STARD3: variants seen among roughly 807,000 people sequenced by gnomAD.
STARD3 encodes the protein StAR related lipid transfer domain containing 3.
In STARD3, 39 loss-of-function variants were observed where a neutral mutation model predicts 62.0. The observed-to-expected ratio is 0.63, with a 90% CI of 0.49 to 0.82. The LOEUF (loss-of-function observed/expected upper bound fraction) is 0.82. STARD3 is among the 40% of genes least tolerant of loss of function. STARD3 has a pLI of 0.00. For synonymous variants in STARD3, 229 were observed against 242.4 expected, an observed-to-expected ratio of 0.94 and a Z score of 0.51; for missense variants, 543 against 584.5, an observed-to-expected ratio of 0.93 and a Z score of 0.73.
In STARD3 at chr17:39,659,549, ATAATG is replaced by A. The variant is rs1555605788; in HGVS notation, c.795_795+4del. 1.2e-6 allele frequency: 2 copies of A among 1,613,930 alleles called. No individual in the cohort carries two copies. Among genetic ancestry groups the A allele is most frequent in the Non-Finnish European group, 8.5e-7 (1 of 1,179,956 alleles). On this transcript the variant is annotated splice_donor_variant and coding_sequence_variant, in exon 9 of 15. Coordinates refer to ENST00000336308, the MANE Select transcript of STARD3 (RefSeq NM_006804.4). LOFTEE classifies it high-confidence loss of function. ...GAAGAGAACTGGAAGTTTGAGAAGAATAATGTAAGAAGCCCTCTCCCACCTGACCT... is the reference window on the plus strand; with the variant it reads ...GAAGAGAACTGGAAGTTTGAGAAGAATAAGAAGCCCTCTCCCACCTGACCT...
At chr17:39,661,944 C>G (rs1164542241) in intron 13 of STARD3, among the ~76,000 whole-genome samples, 1 of 152,174 alleles carries the variant, frequency 6.6e-6, no homozygotes, top group African/African-American at 2.4e-5. Flanking sequence ...CAGGGCTGAC[C>G]TAGAATCTCT....
Position 39,662,299 on chromosome 17 carries a change from C to T in STARD3, c.1188C>T (p.Asn396=), listed in dbSNP as rs746599624. The change falls in exon 14 of 15, where the codon AAC becomes AAT. Residue 396 remains asparagine (N), a synonymous_variant. Coordinates refer to ENST00000336308, the MANE Select transcript of STARD3 (RefSeq NM_006804.4). ...GGFIVLKSAS[N]PRVCTFVWIL... ...TCATCGTGCTCAAGTCGGCCAGTAACCCCCGTGTTTGCACCTTTGTCTGGA... is the reference window on the plus strand; with the variant it reads ...TCATCGTGCTCAAGTCGGCCAGTAATCCCCGTGTTTGCACCTTTGTCTGGA... The T allele has an allele frequency of 1.9e-6, 3 of 1,613,908 alleles. No individual in the cohort carries two copies. Among genetic ancestry groups the T allele is most frequent in the East Asian group, 4.5e-5 (2 of 44,892 alleles).
At chr17:39,638,760 G>A (rs2056958074) in intron 1 of STARD3, among the ~76,000 whole-genome samples, 1 of 152,220 alleles carries the variant, frequency 6.6e-6, no homozygotes, top group Admixed American at 6.5e-5. Flanking sequence ...AGGTAGGAAT[G>A]TCTCTACTTC....
rs2057231572 is a variant in STARD3, at chr17:39,663,998, TC to T, written c.*1093del. Among the ~76,000 whole-genome samples, 1 of 152,082 alleles carries T rather than the reference TC, an allele frequency of 6.6e-6. No homozygotes were observed. Among genetic ancestry groups the T allele is most frequent in the African/African-American group, 2.4e-5 (1 of 41,396 alleles). ...GGCCACTGCCTGCCTTCCTCCTCCC[TC>T]CCGGCTGGCCTGCCCCCTTGCCTGC... On this transcript the variant is annotated 3_prime_UTR_variant, in exon 15 of 15. Transcript: ENST00000336308.
chr17:39,653,515 G>A lies in STARD3; in HGVS notation c.-17G>A. 1 of 1,600,400 alleles carries A rather than the reference G, an allele frequency of 6.2e-7. No homozygotes were observed. ...TGAGGCCGCGCCCTCCCCGCCCTGAGGTGGGGGCCCACCAGGATGAGCAAG... is the reference window on the plus strand; with the variant it reads ...TGAGGCCGCGCCCTCCCCGCCCTGAAGTGGGGGCCCACCAGGATGAGCAAG... On this transcript the variant is annotated 5_prime_UTR_variant, in exon 2 of 15. Coordinates refer to ENST00000336308, the MANE Select transcript of STARD3 (RefSeq NM_006804.4).
At chr17:39,651,195 G>C (rs1246687160) in intron 1 of STARD3, among the ~76,000 whole-genome samples, 2 of 152,200 alleles carry the variant, frequency 1.3e-5, no homozygotes, top group Non-Finnish European at 2.9e-5. Context: ...CCTGCCCTCC[G>C]ACTCTGCTGC....
chr17:39,656,870 C>T (rs2057135131), intron 2 of STARD3, 138 bp from the exon 3 acceptor site: 1 of 750,566 alleles, frequency 1.3e-6, no homozygotes, highest in Admixed American at 2.4e-5. Flanking sequence ...CTTCCAGGGC[C>T]CCCTGGGTGG....
In STARD3 at chr17:39,660,572, C is replaced by G; in HGVS notation, c.954+46C>G. 1 of 1,595,644 alleles carries G rather than the reference C, an allele frequency of 6.3e-7. No individual in the cohort carries two copies. Among genetic ancestry groups the G allele is most frequent in the Non-Finnish European group, 8.6e-7 (1 of 1,164,170 alleles). Reference sequence around the variant, plus strand: ...TCTTAAGGCACAGATGGGGGCACAGCCACGCCTCAGTGGGATCACTGAAGC... The same window carrying G: ...TCTTAAGGCACAGATGGGGGCACAGGCACGCCTCAGTGGGATCACTGAAGC... On this transcript the variant is annotated intron_variant, in intron 11 of 14. Coordinates refer to ENST00000336308, the MANE Select transcript of STARD3 (RefSeq NM_006804.4). This position sits in a 1 kb window ranked among gnomAD's most constrained non-coding sequence, Gnocchi z 4.8.
At position 39,659,261 on chromosome 17, in the gene STARD3, C is replaced by T. The variant is rs138947518; in HGVS notation, c.702+155C>T. 1.4e-3 allele frequency among the ~76,000 whole-genome samples: 220 copies of T among 152,332 alleles called. 1 individual carries two copies. Among genetic ancestry groups the T allele is most frequent in the African/African-American group, 5.0e-3 (207 of 41,572 alleles). On this transcript the variant is annotated intron_variant, in intron 8 of 14. Coordinates refer to ENST00000336308, the MANE Select transcript of STARD3 (RefSeq NM_006804.4). The stretch of plus-strand genomic sequence containing the variant: ...GTCTCCCCCACCACCAGTCCGGCCC[C>T]CCTGGTCTGCCTCATGCCTGGGCAC...
intron 1 of STARD3, among the ~76,000 whole-genome samples, chr17:39,640,329 G>A (rs960280695): frequency 5.3e-5 from 8 of 152,218 alleles, no homozygotes; most frequent in Non-Finnish European, 1.0e-4. Context: ...CCTGACTCCA[G>A]GTCTGCATGT....
chr17:39,659,461 G>T lies in STARD3; in HGVS notation c.703G>T (p.Glu235Ter), dbSNP rs2057170459. The stretch of plus-strand genomic sequence containing the variant: ...CTCCCTGCCTCCTGCTTCCGTCCAG[G>T]AGCGGGAGTACATCCGCCAGGGGAA... ...VAGKKSFSAQ[E>*]REYIRQGKEA... Residue 235 changes from glutamate to a stop codon, truncating the protein, a stop_gained and splice_region_variant, in exon 9 of 15, where the codon GAG becomes TAG. Transcript: ENST00000336308. LOFTEE classifies it high-confidence loss of function. The T allele has an allele frequency of 6.2e-7, 1 of 1,613,912 alleles. No individual in the cohort carries two copies. Among genetic ancestry groups the T allele is most frequent in the South Asian group, 1.1e-5 (1 of 91,082 alleles).
chr17:39,656,414 CAG>C (rs1804079588), intron 2 of STARD3, among the ~76,000 whole-genome samples: 1 of 152,254 alleles, frequency 6.6e-6, no homozygotes, highest in South Asian at 2.1e-4. Flanking sequence ...GCCAAGGCCT[CAG>C]GGGTCCTGGT....
intron 2 of STARD3, 140 bp from the exon 3 acceptor site, chr17:39,656,868 G>A: frequency 1.4e-6 from 1 of 730,870 alleles, no homozygotes; most frequent in Non-Finnish European, 2.3e-6. Context: ...TGCTTCCAGG[G>A]CCCCCTGGGT....
intron 3 of STARD3, 112 bp downstream of exon 3, chr17:39,657,197 C>T: frequency 9.2e-7 from 1 of 1,082,882 alleles, no homozygotes; most frequent in South Asian, 1.3e-5. Context: ...AGAGACTCGG[C>T]TCCCATCCTT....
At chr17:39,661,201 TC>T in intron 13 of STARD3, 116 bp downstream of exon 13, 3 of 883,616 alleles carry the variant, frequency 3.4e-6, no homozygotes, top group Middle Eastern at 3.4e-4. Flanking sequence ...GCGTTCCTGT[TC>T]CCTGTCCCGC....
At chr17:39,642,221 C>T (rs2056988185) in intron 1 of STARD3, among the ~76,000 whole-genome samples, 1 of 152,190 alleles carries the variant, frequency 6.6e-6, no homozygotes, top group Non-Finnish European at 1.5e-5. Context: ...CTGGAGTCCT[C>T]CCTCCTCCTT....
chr17:39,648,660 G>C (rs999293378), intron 1 of STARD3, among the ~76,000 whole-genome samples: 2 of 152,132 alleles, frequency 1.3e-5, no homozygotes, highest in African/African-American at 4.8e-5. Flanking sequence ...AGCTGCTTTC[G>C]GTGGGAGGGT....
At position 39,660,446 on chromosome 17, in the gene STARD3, C is replaced by T; in HGVS notation, c.874C>T (p.Pro292Ser). 6.2e-7 allele frequency: 1 copy of T among 1,613,972 alleles called. No homozygotes were observed. Among genetic ancestry groups the T allele is most frequent in the South Asian group, 1.1e-5 (1 of 91,090 alleles). ...CCTGTCCCAGACCTTCCTGCCCTGT[C>T]CTGCGGAGCTCGTGTACCAGGAGGT... Reference protein sequence around the residue: ...TFILKTFLPCPAELVYQEVIL... With the variant: ...TFILKTFLPCSAELVYQEVIL... Residue 292 changes from proline to serine, a missense_variant, in exon 11 of 15, where the codon CCT becomes TCT. Transcript: ENST00000336308. This position sits in a 1 kb window ranked among gnomAD's most constrained non-coding sequence, Gnocchi z 4.8.
intron 1 of STARD3, among the ~76,000 whole-genome samples, chr17:39,644,405 G>A (rs1352364424): frequency 2.0e-5 from 3 of 152,130 alleles, no homozygotes; most frequent in African/African-American, 7.2e-5. Flanking sequence ...TGTGGTGCCA[G>A]GCACTGTCCT....
Sources: gnomAD v4.1 joint callset for allele counts (sites outside exome capture counted in the v4.1 genomes callset) on GRCh38, gnomAD v4.1.1 for gene constraint, Gnocchi (gnomAD v3.1) non-coding constraint, MANE v1.5 for transcripts, NCBI Gene and HGNC (gene_info 2026-07-23, HGNC 2026-07-21) for gene names.